GRIA3: variants seen among roughly 807,000 people sequenced by gnomAD.
The protein encoded by GRIA3 is glutamate receptor 3.
GRIA3 carries 3 observed loss-of-function variants against 63.0 expected under a neutral mutation model. The ratio of observed to expected loss-of-function variants is 0.05; its 90% CI spans 0.02 to 0.12. The LOEUF is 0.12. GRIA3 is among the 10% of genes least tolerant of loss of function. The pLI, the probability that GRIA3 is intolerant of heterozygous loss-of-function variation, is 1.00. For synonymous variants in GRIA3, 274 were observed against 257.9 expected, an observed-to-expected ratio of 1.06 and a Z score of -0.60; for missense variants, 347 against 700.9, an observed-to-expected ratio of 0.50 and a Z score of 5.70.
intron 3 of GRIA3, among the ~76,000 whole-genome samples, chrX:123,325,431 C>T (rs2044896091): frequency 8.9e-6 from 1 of 111,869 alleles, no homozygotes; most frequent in Non-Finnish European, 1.9e-5. Flanking sequence ...AGGGAAAGAA[C>T]TCAGGAAAGC....
At position 123,428,028 on chromosome X, in the gene GRIA3, C is replaced by T. The variant is rs751873879; in HGVS notation, c.1965C>T (p.Phe655=). ...CCTATACTGCCAATCTCGCTGCTTT[C>T]CTGACTGTGGAGAGGATGGTTTCTC... ...ISSYTANLAA[F]LTVERMVSPI... The change falls in exon 12 of 16, where the codon TTC becomes TTT. Residue 655 remains phenylalanine, a synonymous_variant. Coordinates refer to ENST00000620443, the MANE Select transcript of GRIA3 (RefSeq NM_007325.5). The T allele has an allele frequency of 8.4e-7, 1 of 1,197,318 alleles. No homozygotes were observed. Among genetic ancestry groups the T allele is most frequent in the Admixed American group, 2.2e-5 (1 of 45,902 alleles).
At chrX:123,254,293 A>T (rs2353722) in intron 3 of GRIA3, among the ~76,000 whole-genome samples, 1 of 110,100 alleles carries the variant, frequency 9.1e-6, no homozygotes, top group Admixed American at 9.6e-5. Context: ...TAAGAGTCTG[A>T]TCTTAAATAA....
chrX:123,386,234 A>G (rs1485956358), intron 5 of GRIA3, among the ~76,000 whole-genome samples: 3 of 111,825 alleles, frequency 2.7e-5, no homozygotes, highest in African/African-American at 9.7e-5. Context: ...GGCAATCTGT[A>G]TGTCTTATTT....
At chrX:123,295,944 G>T (rs2044682978) in intron 3 of GRIA3, among the ~76,000 whole-genome samples, 1 of 111,434 alleles carries the variant, frequency 9.0e-6, no homozygotes, top group African/African-American at 3.3e-5. Flanking sequence ...GGCATAAAAG[G>T]TATTCCACAC....
chrX:123,345,569 C>T (rs1251422720), intron 4 of GRIA3, among the ~76,000 whole-genome samples: 1 of 109,877 alleles, frequency 9.1e-6, no homozygotes, highest in African/African-American at 3.3e-5. Flanking sequence ...GAGAGGATGG[C>T]GCAGGGGAAG....
chrX:123,330,385 T>A (rs1335728491), intron 4 of GRIA3, among the ~76,000 whole-genome samples: 1 of 112,127 alleles, frequency 8.9e-6, no homozygotes, highest in Non-Finnish European at 1.9e-5. Context: ...CCTCATACAG[T>A]TCTCTTGCCC....
At chrX:123,393,576 G>A (rs2045397669) in intron 5 of GRIA3, among the ~76,000 whole-genome samples, 3 of 112,139 alleles carry the variant, frequency 2.7e-5, no homozygotes, top group African/African-American at 9.7e-5. Flanking sequence ...CTGAATTTTA[G>A]TTAATGACCT....
chrX:123,457,834 G>A (rs1008599914), intron 12 of GRIA3, among the ~76,000 whole-genome samples: 3 of 111,524 alleles, frequency 2.7e-5, no homozygotes, highest in Non-Finnish European at 3.8e-5. Flanking sequence ...TCAAGACCAC[G>A]AGAAGAGATG....
chrX:123,326,209 A>G lies in GRIA3; in HGVS notation c.692A>G (p.Glu231Gly). Residue 231 changes from glutamate to glycine, a missense_variant, in exon 4 of 16, where the codon GAA becomes GGA. By Grantham distance (98) the Glu-to-Gly change is moderately conservative. Coordinates refer to ENST00000620443, the MANE Select transcript of GRIA3 (RefSeq NM_007325.5). ...GTCGAAAGGATTAACACAATTTTGG[A>G]ACAGGTACGTTTGAGATTTATTTCA... The part of the protein sequence containing the change: ...CEVERINTIL[E>G]QVVILGKHSR... The G allele has an allele frequency of 8.3e-7, 1 of 1,202,410 alleles. No homozygotes were observed. The highest frequency in any genetic ancestry group is 1.1e-6 in the Non-Finnish European group (1 of 887,157).
chrX:123,404,927 C>T lies in GRIA3; in HGVS notation c.1500+13C>T. On this transcript the variant is annotated intron_variant, in intron 10 of 15. Transcript: ENST00000620443. ...ACTTGTCTATGGGGTGAGTTTTTTC[C>T]AATTCTGTTTTCATTTATTCTGTGC... 9.0e-7 allele frequency: 1 copy of T among 1,107,769 alleles called. No homozygotes were observed. The highest frequency in any genetic ancestry group is 1.2e-6 in the Non-Finnish European group (1 of 800,612). 91.3% of individuals were successfully genotyped at this position (1,107,769 alleles called of 1,213,427 possible).
At position 123,489,690 on chromosome X, in the gene GRIA3, A is replaced by C. The variant is rs2045959344; in HGVS notation, c.*980A>C. ...ATGTGTTTAGAATATCTCAGAAACA[A>C]CACTGTGTTTAGCTCGGCTTTCTCT... On this transcript the variant is annotated 3_prime_UTR_variant, in exon 16 of 16. Transcript: ENST00000620443. 8.9e-6 allele frequency: 1 copy of C among 112,228 alleles called. No individual in the cohort carries two copies. The highest frequency in any genetic ancestry group is 3.8e-4 in the South Asian group (1 of 2,648). The allele number at this position is 112,228 out of a possible 1,213,427, so 9.2% of individuals were successfully genotyped here.
chrX:123,463,074 T>C (rs1436591841), intron 12 of GRIA3, among the ~76,000 whole-genome samples: 2 of 111,255 alleles, frequency 1.8e-5, no homozygotes, highest in African/African-American at 6.5e-5. Flanking sequence ...TTCAAAAAGG[T>C]AAAGATGAAG....
intron 4 of GRIA3, among the ~76,000 whole-genome samples, chrX:123,341,938 T>G (rs944191714): frequency 8.9e-6 from 1 of 111,871 alleles, no homozygotes; most frequent in African/African-American, 3.3e-5. Flanking sequence ...CTGAAGTAGC[T>G]TCTTCATCCT....
At chrX:123,368,747 G>C (rs56676977) in intron 5 of GRIA3, among the ~76,000 whole-genome samples, 2,970 of 103,336 alleles carry the variant, frequency 0.029, 95 homozygotes, top group African/African-American at 0.1. Context: ...TCTCAAAAGA[G>C]TGAAGTGGCA....
intron 11 of GRIA3, 97 bp from the exon 12 acceptor site, chrX:123,427,836 TCAGCTATA>T (rs1040249682): frequency 3.4e-6 from 2 of 583,564 alleles, no homozygotes; most frequent in African/African-American, 4.5e-5. Context: ...CCCTCCTTCA[TCAGCTATA>T]CTGAAACCAC....
intron 13 of GRIA3, among the ~76,000 whole-genome samples, chrX:123,478,318 T>C (rs1312691066): frequency 8.9e-6 from 1 of 112,100 alleles, no homozygotes; most frequent in Non-Finnish European, 1.9e-5. Context: ...GAGTATATTT[T>C]TGTTGCTTTG....
At chrX:123,234,373 C>T (rs947428044) in intron 2 of GRIA3, among the ~76,000 whole-genome samples, 2 of 111,990 alleles carry the variant, frequency 1.8e-5, no homozygotes, top group African/African-American at 6.5e-5. Flanking sequence ...AGCTTCTACC[C>T]TGAAAAGATT....
chrX:123,204,368 T>C (rs1927826755), intron 2 of GRIA3: 3 of 1,120,564 alleles, frequency 2.7e-6, no homozygotes, highest in South Asian at 3.9e-5. Context: ...CCATTCATAG[T>C]GCTGAACAAT....
rs374268819 is a variant in GRIA3 at position 123,344,249 on chromosome X, G to A, written c.697-10661G>A. Among the ~76,000 whole-genome samples the A allele has an allele frequency of 5.3e-5, 6 of 112,309 alleles. No individual in the cohort carries two copies. The East Asian group carries it at 1.7e-3, about 32-fold the overall frequency. ...ATATGTGACATAAGGTGATTGCAGT[G>A]TAGCAGATGCTGTTGGTGCCCTACC... is the stretch of plus-strand genomic sequence containing the variant. On this transcript the variant is annotated intron_variant, in intron 4 of 15. Coordinates refer to ENST00000620443, the MANE Select transcript of GRIA3 (RefSeq NM_007325.5).
Sources: allele counts gnomAD v4.1 joint callset (sites outside exome capture counted in the v4.1 genomes callset), GRCh38; gene constraint gnomAD v4.1.1; transcripts MANE v1.5; gene names NCBI Gene and HGNC (gene_info 2026-07-23, HGNC 2026-07-21).